The following WDR70 variants were observed in gnomAD, a reference collection of about 807,000 sequenced individuals.
The protein encoded by WDR70 is WD repeat-containing protein 70.
Under a neutral mutation model 88.6 loss-of-function variants are expected in WDR70, and 53 were observed. The observed-to-expected ratio is 0.60, with a 90% CI of 0.48 to 0.75. The LOEUF (loss-of-function observed/expected upper bound fraction) is 0.75, where lower values mean the gene tolerates loss of function less well. WDR70 is among the 30% of genes least tolerant of loss of function. WDR70 has a pLI of 0.00. For synonymous variants in WDR70, 280 were observed against 270.0 expected (o/e 1.04, Z -0.36); for missense variants, 610 against 823.2 (o/e 0.74, Z 3.17).
At chr5:37,585,670 C>T (rs1743346275) in intron 9 of WDR70, among the ~76,000 whole-genome samples, 1 of 152,132 alleles carries the variant, frequency 6.6e-6, no homozygotes, top group South Asian at 2.1e-4. Flanking sequence ...TGATCCAGTA[C>T]CTTTGTCTGG....
chr5:37,459,450 A>G (rs1262891412), intron 7 of WDR70, among the ~76,000 whole-genome samples: 6 of 143,904 alleles, frequency 4.2e-5, no homozygotes, highest in East Asian at 2.1e-4. Flanking sequence ...AGGATTCCCT[A>G]TTTAATAAAT....
intron 5 of WDR70, among the ~76,000 whole-genome samples, chr5:37,426,998 A>G (rs916141575): frequency 6.6e-6 from 1 of 152,096 alleles, no homozygotes; most frequent in African/African-American, 2.4e-5. Context: ...TTGGTCTCAA[A>G]CTCATGGGCT....
At chr5:37,407,427 G>A (rs572799324) in intron 5 of WDR70, among the ~76,000 whole-genome samples, 2 of 152,098 alleles carry the variant, frequency 1.3e-5, no homozygotes, top group Non-Finnish European at 2.9e-5. Context: ...AGGAGGCTAA[G>A]GCAGGAGGAT....
rs1324601389 is a variant in WDR70 at position 37,703,060 on chromosome 5, G to A, written c.1389G>A (p.Arg463=). ...LVFFERRTFQ[R]VYEIDITDAS... The stretch of plus-strand genomic sequence containing the variant: ...TCTTTGAGCGTAGGACTTTCCAAAG[G>A]GTGTATGAAATAGACATCACAGATG... Residue 463 remains arginine (R), a synonymous_variant, in exon 13 of 18, where the codon AGG becomes AGA. Transcript: ENST00000265107. 1 of 1,612,694 alleles carries A rather than the reference G, an allele frequency of 6.2e-7. No individual in the cohort carries two copies. Among genetic ancestry groups the A allele is most frequent in the Admixed American group, 1.7e-5 (1 of 60,002 alleles).
intron 10 of WDR70, among the ~76,000 whole-genome samples, chr5:37,662,525 A>G (rs1000952641): frequency 1.3e-5 from 2 of 152,096 alleles, no homozygotes; most frequent in Non-Finnish European, 2.9e-5. Context: ...GTGAGTTACA[A>G]CATCTTTTTT....
intron 9 of WDR70, among the ~76,000 whole-genome samples, chr5:37,598,862 A>G (rs1206260049): frequency 6.6e-6 from 1 of 152,234 alleles, no homozygotes; most frequent in Non-Finnish European, 1.5e-5. Context: ...TGGACACACA[A>G]TGAAAACATC....
At chr5:37,648,793 A>G (rs75175327) in intron 10 of WDR70, among the ~76,000 whole-genome samples, 1,834 of 152,292 alleles carry the variant, frequency 0.012, 39 homozygotes, top group African/African-American at 0.042. Flanking sequence ...AAATGTGAAG[A>G]TTTATTCCAT....
chr5:37,601,139 A>G (rs1359235023), intron 9 of WDR70, among the ~76,000 whole-genome samples: 2 of 152,200 alleles, frequency 1.3e-5, no homozygotes, highest in Non-Finnish European at 2.9e-5. Flanking sequence ...TGCACTGTTG[A>G]GTATGATGTT....
At chr5:37,705,988 A>G (rs537863488) in intron 13 of WDR70, among the ~76,000 whole-genome samples, 14 of 152,374 alleles carry the variant, frequency 9.2e-5, no homozygotes, top group African/African-American at 3.1e-4. Flanking sequence ...GGCTCAGTAT[A>G]CATATGTGGA....
chr5:37,680,984 A>T (rs1746413200), intron 10 of WDR70, among the ~76,000 whole-genome samples: 1 of 152,202 alleles, frequency 6.6e-6, no homozygotes, highest in Admixed American at 6.5e-5. Context: ...GAATATCATT[A>T]GTAGTTTGAT....
chr5:37,442,370 G>A (rs1361773014), intron 6 of WDR70, among the ~76,000 whole-genome samples: 1 of 141,172 alleles, frequency 7.1e-6, no homozygotes, highest in Non-Finnish European at 1.5e-5. Flanking sequence ...ACAGAGTCTC[G>A]CTCTGTCACC....
intron 10 of WDR70, among the ~76,000 whole-genome samples, chr5:37,628,268 C>T (rs183221293): frequency 1.0e-3 from 156 of 152,274 alleles, no homozygotes; most frequent in African/African-American, 3.5e-3. Flanking sequence ...TTTCTGCCTA[C>T]ATGACCTTTC....
chr5:37,676,515 T>A (rs1746217905), intron 10 of WDR70, among the ~76,000 whole-genome samples: 1 of 152,094 alleles, frequency 6.6e-6, no homozygotes, highest in South Asian at 2.1e-4. Context: ...TCTTTGGTTC[T>A]GTTTATATGC....
chr5:37,500,674 C>G (rs1740379409), intron 8 of WDR70, among the ~76,000 whole-genome samples: 1 of 146,480 alleles, frequency 6.8e-6, no homozygotes, highest in Non-Finnish European at 1.5e-5. Flanking sequence ...TGCATTCCCC[C>G]AGTGATTAGT....
chr5:37,699,716 G>A (rs1230971088), intron 11 of WDR70, among the ~76,000 whole-genome samples: 1 of 152,046 alleles, frequency 6.6e-6, no homozygotes, highest in African/African-American at 2.4e-5. Context: ...GGGAGGCCGA[G>A]GCAGGTGGAT....
At chr5:37,526,661 G>C in intron 9 of WDR70, among the ~76,000 whole-genome samples, 1 of 152,086 alleles carries the variant, frequency 6.6e-6, no homozygotes, top group East Asian at 1.9e-4. Flanking sequence ...AGAAATACAG[G>C]GTATTCAATT....
intron 9 of WDR70, among the ~76,000 whole-genome samples, chr5:37,542,423 G>A (rs558712941): frequency 5.9e-5 from 9 of 152,000 alleles, no homozygotes; most frequent in African/African-American, 2.2e-4. Flanking sequence ...GGGATTACAG[G>A]CATGCACCAC....
intron 2 of WDR70, among the ~76,000 whole-genome samples, chr5:37,380,983 G>A (rs1748407532): frequency 6.6e-6 from 1 of 152,170 alleles, no homozygotes; most frequent in South Asian, 2.1e-4. Context: ...ACTCAGGAGT[G>A]AGAAAGTTGT....
At chr5:37,738,038 A>C (rs1054457633) in intron 17 of WDR70, among the ~76,000 whole-genome samples, 1 of 151,634 alleles carries the variant, frequency 6.6e-6, no homozygotes, top group East Asian at 1.9e-4. Flanking sequence ...TTAAAAAAAA[A>C]AAAAACAAAC....
Sources: allele counts gnomAD v4.1 joint callset (sites outside exome capture counted in the v4.1 genomes callset), GRCh38; gene constraint gnomAD v4.1.1; transcripts MANE v1.5; gene names NCBI Gene and HGNC (gene_info 2026-07-23, HGNC 2026-07-21).